Variants in NSMCE2 observed in about 807,000 individuals in gnomAD.
NSMCE2 encodes E3 SUMO-protein ligase NSE2.
In NSMCE2, 24 loss-of-function variants were observed where a neutral mutation model predicts 23.8. The ratio of observed to expected loss-of-function variants is 1.01; its 90% CI spans 0.73 to 1.42. The LOEUF (loss-of-function observed/expected upper bound fraction) is 1.42, where lower values mean the gene tolerates loss of function less well. Ranked by LOEUF, NSMCE2 falls within the 40% of genes most tolerant of loss-of-function variation. The pLI, the probability that NSMCE2 is intolerant of heterozygous loss-of-function variation, is 0.00. For missense variants in NSMCE2, 284 were observed against 296.5 expected (o/e 0.96, Z 0.31); for synonymous variants, 92 against 94.1 (o/e 0.98, Z 0.13).
rs147518526 is a variant in NSMCE2 at position 125,295,371 on chromosome 8, CA to C, written c.419-61847del. Among the ~76,000 whole-genome samples the C allele has an allele frequency of 2.6e-3, 399 of 152,198 alleles. 1 individual carries two copies. Among genetic ancestry groups the C allele is most frequent in the Non-Finnish European group, 4.2e-3 (285 of 68,028 alleles). On this transcript the variant is annotated intron_variant, in intron 5 of 7. Coordinates refer to ENST00000287437, the MANE Select transcript of NSMCE2 (RefSeq NM_173685.4). ...AGGTAAAAACAGCATCCAAAAGGGCCATTTGATAATAAAATTAAAAAATTAA... is the reference window on the plus strand; with the variant it reads ...AGGTAAAAACAGCATCCAAAAGGGCCTTTGATAATAAAATTAAAAAATTAA...
intron 5 of NSMCE2, among the ~76,000 whole-genome samples, chr8:125,211,152 A>G (rs1824321828): frequency 6.6e-6 from 1 of 152,148 alleles, no homozygotes; most frequent in Admixed American, 6.5e-5. Flanking sequence ...TAACATTATT[A>G]TATATGTATA....
At chr8:125,145,372 G>A (rs1820617244) in intron 3 of NSMCE2, among the ~76,000 whole-genome samples, 1 of 152,116 alleles carries the variant, frequency 6.6e-6, no homozygotes, top group South Asian at 2.1e-4. Flanking sequence ...CTTTGGACTT[G>A]ATTTTGTGGG....
At chr8:125,129,883 C>T (rs1436367161) in intron 3 of NSMCE2, among the ~76,000 whole-genome samples, 2 of 152,016 alleles carry the variant, frequency 1.3e-5, no homozygotes, top group African/African-American at 2.4e-5. Flanking sequence ...TCACACAGTT[C>T]CCTCAGTTGT....
At chr8:125,244,640 G>A (rs2130990884) in intron 5 of NSMCE2, among the ~76,000 whole-genome samples, 1 of 152,268 alleles carries the variant, frequency 6.6e-6, no homozygotes, top group South Asian at 2.1e-4. Flanking sequence ...AAAATTTGGG[G>A]TGCTACTGTT....
At chr8:125,115,025 C>CT (rs1376649282) in intron 3 of NSMCE2, among the ~76,000 whole-genome samples, 1 of 152,084 alleles carries the variant, frequency 6.6e-6, no homozygotes, top group Non-Finnish European at 1.5e-5. Flanking sequence ...ACTGTATGTC[C>CT]TTGAGATTAG....
intron 5 of NSMCE2, among the ~76,000 whole-genome samples, chr8:125,245,851 C>T (rs1156562035): frequency 1.3e-5 from 2 of 152,046 alleles, no homozygotes; most frequent in Non-Finnish European, 2.9e-5. Context: ...CATGGTGAAA[C>T]CTCGTCTCTA....
intron 3 of NSMCE2, among the ~76,000 whole-genome samples, chr8:125,141,173 C>T (rs1008881119): frequency 6.6e-6 from 1 of 152,138 alleles, no homozygotes; most frequent in Non-Finnish European, 1.5e-5. Context: ...TAGATATTAA[C>T]ATACATTCTA....
chr8:125,280,200 A>C (rs1477578724), intron 5 of NSMCE2, among the ~76,000 whole-genome samples: 1 of 152,192 alleles, frequency 6.6e-6, no homozygotes, highest in Non-Finnish European at 1.5e-5. Context: ...AATATGAGCT[A>C]GTTAGAAGAG....
chr8:125,288,868 C>T (rs1325237920), intron 5 of NSMCE2, among the ~76,000 whole-genome samples: 1 of 152,098 alleles, frequency 6.6e-6, no homozygotes. Context: ...GATCTTGGCT[C>T]ACTGCAGCCT....
chr8:125,178,596 C>T (rs948543780), intron 4 of NSMCE2, among the ~76,000 whole-genome samples: 4 of 152,262 alleles, frequency 2.6e-5, no homozygotes, highest in East Asian at 1.9e-4. Context: ...GTTGGCTGGG[C>T]GTGGTGGCTG....
At chr8:125,119,124 G>T (rs950657307) in intron 3 of NSMCE2, among the ~76,000 whole-genome samples, 2 of 152,118 alleles carry the variant, frequency 1.3e-5, no homozygotes, top group Admixed American at 1.3e-4. Flanking sequence ...AAGAGCTATT[G>T]AGAGGAAAGT....
At chr8:125,212,784 G>A (rs1261291393) in intron 5 of NSMCE2, among the ~76,000 whole-genome samples, 2 of 152,112 alleles carry the variant, frequency 1.3e-5, no homozygotes, top group Admixed American at 6.5e-5. Context: ...CTACATAAAA[G>A]CACCTCACTA....
intron 3 of NSMCE2, among the ~76,000 whole-genome samples, chr8:125,146,156 A>G (rs1234442703): frequency 4.6e-5 from 7 of 152,096 alleles, no homozygotes; most frequent in Non-Finnish European, 1.0e-4. Flanking sequence ...AACGGAGCTG[A>G]GCTGAGGCTC....
At chr8:125,096,537 A>G (rs1289241918) in intron 1 of NSMCE2, among the ~76,000 whole-genome samples, 1 of 86,620 alleles carries the variant, frequency 1.2e-5, no homozygotes, top group East Asian at 3.4e-4. Context: ...TTCTAGTGTT[A>G]TTTGTTTTTT....
At chr8:125,366,687 T>A in intron 7 of NSMCE2, 81 bp from the exon 8 acceptor site, 3 of 796,688 alleles carry the variant, frequency 3.8e-6, no homozygotes, top group Non-Finnish European at 6.5e-6. Context: ...GTAAAATGCC[T>A]TACTTAAACA....
At chr8:125,210,281 A>G (rs1824274290) in intron 5 of NSMCE2, among the ~76,000 whole-genome samples, 1 of 152,236 alleles carries the variant, frequency 6.6e-6, no homozygotes, top group East Asian at 1.9e-4. Flanking sequence ...GCTATTCATT[A>G]CTGTCATTAT....
rs545661438 is a variant in NSMCE2, at chr8:125,261,575, T to C, written c.418+79319T>C. Reference sequence around the variant, plus strand: ...ACTCTAGTATCTTGAATTCTGGAAATTTAATTAATATACTTACACTTTGAA... The same window carrying C: ...ACTCTAGTATCTTGAATTCTGGAAACTTAATTAATATACTTACACTTTGAA... On this transcript the variant is annotated intron_variant, in intron 5 of 7. Coordinates refer to ENST00000287437, the MANE Select transcript of NSMCE2 (RefSeq NM_173685.4). 9.6e-4 allele frequency among the ~76,000 whole-genome samples: 146 copies of C among 152,250 alleles called. 2 individuals carry two copies. The South Asian group carries it at 0.02, about 21-fold the overall frequency.
At chr8:125,321,096 T>A (rs1018539006) in intron 5 of NSMCE2, among the ~76,000 whole-genome samples, 1 of 152,102 alleles carries the variant, frequency 6.6e-6, no homozygotes, top group Admixed American at 6.5e-5. Context: ...TCCAGTCACC[T>A]CCCACCAGGC....
chr8:125,294,194 A>G (rs1828233280), intron 5 of NSMCE2, among the ~76,000 whole-genome samples: 3 of 152,150 alleles, frequency 2.0e-5, no homozygotes, highest in Admixed American at 2.0e-4. Context: ...CACATTTTAT[A>G]TATCATTCTT....
Sources: allele counts gnomAD v4.1 joint callset (sites outside exome capture counted in the v4.1 genomes callset), GRCh38; gene constraint gnomAD v4.1.1; transcripts MANE v1.5; gene names NCBI Gene and HGNC (gene_info 2026-07-23, HGNC 2026-07-21).